The following SLCO3A1 variants were observed in gnomAD, a reference collection of about 807,000 sequenced individuals.
The protein encoded by SLCO3A1 is PGE1 transporter.
Under a neutral mutation model 63.1 loss-of-function variants are expected in SLCO3A1, and 27 were observed. The observed-to-expected ratio is 0.43, with a 90% confidence interval of 0.32 to 0.59. The LOEUF (loss-of-function observed/expected upper bound fraction) is 0.59, where lower values mean the gene tolerates loss of function less well. Among genes scored for constraint, SLCO3A1 ranks in the 20% least tolerant of loss-of-function variants. SLCO3A1 has a pLI of 0.09. For missense variants in SLCO3A1, 773 were observed against 945.8 expected, an observed-to-expected ratio of 0.82 and a Z score of 2.40; for synonymous variants, 473 against 409.9, an observed-to-expected ratio of 1.15 and a Z score of -1.86.
intron 7 of SLCO3A1, among the ~76,000 whole-genome samples, chr15:92,132,667 G>A (rs1307058558): frequency 1.4e-5 from 2 of 144,152 alleles, no homozygotes; most frequent in Admixed American, 6.9e-5. Flanking sequence ...TTGAAAGTCA[G>A]TATGAGTCCA....
intron 7 of SLCO3A1, among the ~76,000 whole-genome samples, chr15:92,145,259 A>C (rs1255594961): frequency 6.6e-6 from 1 of 152,158 alleles, no homozygotes; most frequent in South Asian, 2.1e-4. Flanking sequence ...TGGTGAGCTA[A>C]ATAGCTAGAA....
chr15:91,864,878 T>C (rs1048328441), intron 1 of SLCO3A1, among the ~76,000 whole-genome samples: 13 of 152,208 alleles, frequency 8.5e-5, no homozygotes, highest in Non-Finnish European at 1.3e-4. Flanking sequence ...GTTTTCTTCC[T>C]ACCTCCCTCC....
intron 1 of SLCO3A1, among the ~76,000 whole-genome samples, chr15:91,905,541 A>G (rs1164993913): frequency 6.7e-6 from 1 of 149,058 alleles, no homozygotes; most frequent in Non-Finnish European, 1.5e-5. Flanking sequence ...TTTTCCGGAT[A>G]TTTTGGATCC....
In SLCO3A1 at chr15:91,942,867, T is replaced by C. The variant is rs1899670601; in HGVS notation, c.646+26409T>C. 6.6e-6 allele frequency among the ~76,000 whole-genome samples: 1 copy of C among 152,280 alleles called. No individual in the cohort carries two copies. Among genetic ancestry groups the C allele is most frequent in the South Asian group, 2.1e-4 (1 of 4,824 alleles). Reference sequence around the variant, plus strand: ...GGCATGAGCCACCACACCCAGCCCTTTGCTGGAAATCTTAAGGGGAGTTCC... The same window carrying C: ...GGCATGAGCCACCACACCCAGCCCTCTGCTGGAAATCTTAAGGGGAGTTCC... On this transcript the variant is annotated intron_variant, in intron 2 of 9. Transcript: ENST00000318445. The surrounding 1 kb of genome is among the most constrained non-coding windows in gnomAD (Gnocchi z 4.1).
At chr15:92,054,706 G>T (rs1489718233) in intron 2 of SLCO3A1, among the ~76,000 whole-genome samples, 1 of 151,950 alleles carries the variant, frequency 6.6e-6, no homozygotes, top group East Asian at 1.9e-4. Flanking sequence ...GTGGTATTTG[G>T]TTTTCTGTTC....
chr15:92,141,805 C>CACA (rs1332004820), intron 7 of SLCO3A1, among the ~76,000 whole-genome samples: 1 of 152,344 alleles, frequency 6.6e-6, no homozygotes, highest in East Asian at 1.9e-4. Context: ...TCTCCCTTAG[C>CACA]ACAACGTTGG....
At chr15:91,983,916 T>C (rs1004658606) in intron 2 of SLCO3A1, among the ~76,000 whole-genome samples, 1 of 152,210 alleles carries the variant, frequency 6.6e-6, no homozygotes, top group Non-Finnish European at 1.5e-5. Context: ...CCATCTATTG[T>C]ACAGTTGAAT....
At chr15:92,070,298 A>G (rs1205108254) in intron 2 of SLCO3A1, among the ~76,000 whole-genome samples, 1 of 152,274 alleles carries the variant, frequency 6.6e-6, no homozygotes, top group Non-Finnish European at 1.5e-5. Context: ...TGTTGGGGAC[A>G]GGATAATAGC....
chr15:91,922,837 C>G (rs1015731407), intron 2 of SLCO3A1, among the ~76,000 whole-genome samples: 6 of 152,328 alleles, frequency 3.9e-5, no homozygotes, highest in African/African-American at 1.4e-4. Flanking sequence ...TTCCCTCTCC[C>G]CAGCTGCTGG....
In SLCO3A1 at chr15:91,942,279, T is replaced by C. The variant is rs915649125; in HGVS notation, c.646+25821T>C. On this transcript the variant is annotated intron_variant, in intron 2 of 9. Transcript: ENST00000318445. The surrounding 1 kb of genome is among the most constrained non-coding windows in gnomAD (Gnocchi z 4.1). Reference sequence around the variant, plus strand: ...CTGCTGAACCCCACAATGTCTGATCTATAGCAGGCATTTCAGAGCCTCCAG... The same window carrying C: ...CTGCTGAACCCCACAATGTCTGATCCATAGCAGGCATTTCAGAGCCTCCAG... Among the ~76,000 whole-genome samples, 8 of 152,218 alleles carry C rather than the reference T, an allele frequency of 5.3e-5. No individual in the cohort carries two copies. Among genetic ancestry groups the C allele is most frequent in the African/African-American group, 1.9e-4 (8 of 41,460 alleles).
intron 2 of SLCO3A1, among the ~76,000 whole-genome samples, chr15:91,969,803 T>C (rs1359822310): frequency 6.6e-6 from 1 of 152,214 alleles, no homozygotes; most frequent in Non-Finnish European, 1.5e-5. Flanking sequence ...GATCTAGCTA[T>C]GTCTATGGTT....
chr15:91,906,710 G>A (rs570027654), intron 1 of SLCO3A1, among the ~76,000 whole-genome samples: 1 of 152,208 alleles, frequency 6.6e-6, no homozygotes, highest in Non-Finnish European at 1.5e-5. Context: ...CACCACAGAA[G>A]TTGGTGTGTT....
chr15:92,136,337 G>C (rs2048056933), intron 7 of SLCO3A1, among the ~76,000 whole-genome samples: 1 of 152,122 alleles, frequency 6.6e-6, no homozygotes, highest in Non-Finnish European at 1.5e-5. Context: ...TGGATGTGGG[G>C]GGAAAATAAC....
chr15:92,171,858 G>A, exon 11 of SLCO3A1: 1 of 1,550,934 alleles, frequency 6.4e-7, no homozygotes, highest in African/African-American at 1.4e-5. Context: ...TTTGTGAGAA[G>A]CTGAGGGCCT....
At chr15:91,963,404 A>AGGGCGGGGGGGG (rs1176735786) in intron 2 of SLCO3A1, among the ~76,000 whole-genome samples, 3 of 3,154 alleles carry the variant, frequency 9.5e-4, no homozygotes, top group African/African-American at 3.8e-3. Flanking sequence ...TAACTCGGGG[A>AGGGCGGGGGGGG]GGGTGGGGGG....
At chr15:91,903,553 C>T (rs565660480) in intron 1 of SLCO3A1, among the ~76,000 whole-genome samples, 3 of 152,246 alleles carry the variant, frequency 2.0e-5, no homozygotes, top group Non-Finnish European at 4.4e-5. Flanking sequence ...ACTCACCAAC[C>T]TCAGCTGTTT....
chr15:92,035,664 G>A (rs1350883710), intron 2 of SLCO3A1, among the ~76,000 whole-genome samples: 1 of 151,724 alleles, frequency 6.6e-6, no homozygotes. Flanking sequence ...TAACACCCGT[G>A]GAGCCCCAGA....
chr15:91,981,907 A>G (rs112097125), intron 2 of SLCO3A1, among the ~76,000 whole-genome samples: 1 of 152,178 alleles, frequency 6.6e-6, no homozygotes, highest in African/African-American at 2.4e-5. Flanking sequence ...ATGCCCATGG[A>G]CCCTCAAAGC....
At chr15:91,978,054 A>G (rs1041118923) in intron 2 of SLCO3A1, among the ~76,000 whole-genome samples, 5 of 152,162 alleles carry the variant, frequency 3.3e-5, no homozygotes, top group African/African-American at 1.2e-4. Flanking sequence ...TAATTTTCCA[A>G]ACAAAATGAA....
Sources: gnomAD v4.1 joint callset for allele counts (sites outside exome capture counted in the v4.1 genomes callset) on GRCh38, gnomAD v4.1.1 for gene constraint, Gnocchi (gnomAD v3.1) non-coding constraint, MANE v1.5 for transcripts, NCBI Gene and HGNC (gene_info 2026-07-23, HGNC 2026-07-21) for gene names.